LIPA: variants seen among roughly 807,000 people sequenced by gnomAD.
LIPA encodes lipase A, lysosomal acid type, also known as lysosomal acid lipase/cholesteryl ester hydrolase.
Under a neutral mutation model 40.6 loss-of-function variants are expected in LIPA, and 26 were observed. The ratio of observed to expected loss-of-function variants is 0.64; its 90% CI spans 0.47 to 0.89. The LOEUF is 0.89. LIPA is among the 40% of genes least tolerant of loss of function. The pLI is 0.00. For synonymous variants in LIPA, 188 were observed against 168.4 expected (o/e 1.12, Z -0.90); for missense variants, 455 against 479.6 (o/e 0.95, Z 0.48).
intron 3 of LIPA, among the ~76,000 whole-genome samples, chr10:89,232,724 C>T (rs943588294): frequency 1.3e-5 from 2 of 152,236 alleles, no homozygotes; most frequent in Non-Finnish European, 2.9e-5. Context: ...TCCCCACCTT[C>T]TCTCGATGGA....
At chr10:89,309,201 T>C (rs1425327308) in intron 1 of LIPA, 8 of 152,242 alleles carry the variant, frequency 5.3e-5, no homozygotes, top group Admixed American at 5.2e-4. Context: ...TTTTCTTTGT[T>C]AAATTTTGTG....
intron 2 of LIPA, chr10:89,405,661 A>T (rs1844517903): frequency 6.6e-6 from 1 of 152,184 alleles, no homozygotes; most frequent in African/African-American, 2.4e-5. Context: ...CATCCATCTT[A>T]AAAACCAACA....
At chr10:89,223,189 C>T (rs924398821) in intron 7 of LIPA, among the ~76,000 whole-genome samples, 4 of 151,850 alleles carry the variant, frequency 2.6e-5, no homozygotes, top group African/African-American at 2.4e-5. Context: ...ATTTTAGATT[C>T]GGGGGGTCCA....
intron 2 of LIPA, among the ~76,000 whole-genome samples, chr10:89,371,122 G>T (rs551418979): frequency 1.6e-4 from 24 of 152,208 alleles, no homozygotes; most frequent in Non-Finnish European, 1.9e-4. Flanking sequence ...GCAGTAATCA[G>T]CCCAAGTAGG....
intron 3 of LIPA, among the ~76,000 whole-genome samples, chr10:89,235,244 A>G (rs991671594): frequency 6.6e-6 from 1 of 152,260 alleles, no homozygotes; most frequent in Non-Finnish European, 1.5e-5. Flanking sequence ...GGCACCCTGA[A>G]GCCCTGTTTG....
At position 89,246,828 on chromosome 10, in the gene LIPA, A is replaced by C. The variant is rs367635060; in HGVS notation, c.111+710T>G. 1.2e-4 allele frequency among the ~76,000 whole-genome samples: 18 copies of C among 152,246 alleles called. No homozygotes were observed. In the East Asian group the frequency reaches 3.5e-3, roughly 29 times the overall value. On this transcript the variant is annotated intron_variant, in intron 2 of 9. Coordinates refer to ENST00000336233, the MANE Select transcript of LIPA (RefSeq NM_000235.4). ...GATACTTTGACTTCTGTATAGAAATATGTTCCCTGGACATTCTTAATCACA... is the reference window on the plus strand; with the variant it reads ...GATACTTTGACTTCTGTATAGAAATCTGTTCCCTGGACATTCTTAATCACA...
chr10:89,339,884 T>C (rs1383743827), intron 1 of LIPA: 19 of 1,614,110 alleles, frequency 1.2e-5, no homozygotes, highest in Non-Finnish European at 1.6e-5. Context: ...GAAAATCTGC[T>C]TCCACAAAAT....
chr10:89,311,345 A>C (rs1271276272), intron 1 of LIPA, among the ~76,000 whole-genome samples: 1 of 152,050 alleles, frequency 6.6e-6, no homozygotes, highest in East Asian at 1.9e-4. Flanking sequence ...CAATATGGTG[A>C]AACCCCATCT....
intron 1 of LIPA, among the ~76,000 whole-genome samples, chr10:89,319,796 C>T (rs11815124): frequency 0.02 from 3,071 of 152,032 alleles, 110 homozygotes; most frequent in African/African-American, 0.069. Flanking sequence ...TGATGAACAT[C>T]GATGCAATGC....
chr10:89,352,384 A>G (rs1487261365), intron 2 of LIPA, among the ~76,000 whole-genome samples: 1 of 152,214 alleles, frequency 6.6e-6, no homozygotes, highest in Admixed American at 6.5e-5. Context: ...TTTTTTGTAC[A>G]TATGATTCAT....
At chr10:89,226,243 A>T (rs1419714926) in intron 5 of LIPA, among the ~76,000 whole-genome samples, 1 of 152,198 alleles carries the variant, frequency 6.6e-6, no homozygotes, top group Non-Finnish European at 1.5e-5. Flanking sequence ...CATACCTTTC[A>T]TATAGTAAGG....
chr10:89,383,904 G>A, intron 2 of LIPA: 2 of 1,614,194 alleles, frequency 1.2e-6, no homozygotes, highest in East Asian at 2.2e-5. Flanking sequence ...CATCAGGGAG[G>A]AATAAGGCAT....
upstream of LIPA, among the ~76,000 whole-genome samples, chr10:89,255,286 G>A (rs888361527): frequency 1.3e-5 from 2 of 152,188 alleles, no homozygotes; most frequent in African/African-American, 4.8e-5. Flanking sequence ...AAGGCAAAAG[G>A]CACGTCTTAC....
intron 2 of LIPA, among the ~76,000 whole-genome samples, chr10:89,397,189 C>A (rs892550695): frequency 6.6e-6 from 1 of 151,816 alleles, no homozygotes; most frequent in Non-Finnish European, 1.5e-5. Context: ...TTAATATTTC[C>A]AGTTTGTTGC....
chr10:89,289,519 G>C (rs991612439), intron 1 of LIPA, among the ~76,000 whole-genome samples: 1 of 152,172 alleles, frequency 6.6e-6, no homozygotes, highest in Admixed American at 6.5e-5. Context: ...TTCACTGGAT[G>C]GGTAGAGGCC....
chr10:89,241,252 G>A (rs934969076), intron 3 of LIPA, among the ~76,000 whole-genome samples: 21 of 152,170 alleles, frequency 1.4e-4, no homozygotes, highest in African/African-American at 4.8e-4. Context: ...AAGCTGTACA[G>A]CTGACCTCAC....
chr10:89,384,083 C>A (rs199716259), intron 2 of LIPA: 3 of 1,614,188 alleles, frequency 1.9e-6, no homozygotes, highest in Non-Finnish European at 2.5e-6. Context: ...TTTCAATATG[C>A]AGCCAAGTTT....
At chr10:89,383,921 T>C in intron 2 of LIPA, 1 of 1,614,206 alleles carries the variant, frequency 6.2e-7, no homozygotes, top group Non-Finnish European at 8.5e-7. Flanking sequence ...GCATTTTCTC[T>C]GCACGTCCTA....
rs754922045 is a variant in LIPA at position 89,339,847 on chromosome 10, A to G, written c.-2+2764T>C. ...CAAAAAATCAACTGACAAGGAAGAG[A>G]TCAAAGACCAACCACAGAATGTATC... On this transcript the variant is annotated intron_variant, in intron 1 of 5. Transcript: ENST00000282673. The G allele has an allele frequency of 1.5e-5, 24 of 1,614,096 alleles. No homozygotes were observed. The South Asian group carries it at 2.6e-4, about 18-fold the overall frequency.
Sources: gnomAD v4.1 joint callset for allele counts (sites outside exome capture counted in the v4.1 genomes callset) on GRCh38, gnomAD v4.1.1 for gene constraint, MANE v1.5 for transcripts, NCBI Gene and HGNC (gene_info 2026-07-23, HGNC 2026-07-21) for gene names.